The following UNC5A variants were observed in gnomAD, a reference collection of about 807,000 sequenced individuals.
UNC5A encodes unc-5 netrin receptor A, also known as netrin receptor UNC5A.
In UNC5A, 20 loss-of-function variants were observed where a neutral mutation model predicts 87.4. That is an observed-to-expected ratio of 0.23 (90% CI 0.16 to 0.33). The LOEUF (loss-of-function observed/expected upper bound fraction) is 0.33. UNC5A is among the 10% of genes least tolerant of loss of function. UNC5A has a pLI of 1.00. For synonymous variants in UNC5A, 438 were observed against 482.3 expected, an observed-to-expected ratio of 0.91 and a Z score of 1.20; for missense variants, 844 against 1,133.4, an observed-to-expected ratio of 0.74 and a Z score of 3.67.
In UNC5A at chr5:176,824,254, G is replaced by A. The variant is rs1019732665; in HGVS notation, c.70+13434G>A. ...TGGGGCTGAGGCGGGTGAGGCCAGC[G>A]CACAGGGAGATCAGGGACAAGCGGA... is the stretch of plus-strand genomic sequence containing the variant. On this transcript the variant is annotated intron_variant, in intron 1 of 14. Coordinates refer to ENST00000329542, the MANE Select transcript of UNC5A (RefSeq NM_133369.3). This position sits in a 1 kb window ranked among gnomAD's most constrained non-coding sequence, Gnocchi z 4.2. 5.3e-5 allele frequency among the ~76,000 whole-genome samples: 8 copies of A among 152,210 alleles called. No homozygotes were observed. Among genetic ancestry groups the A allele is most frequent in the East Asian group, 3.9e-4 (2 of 5,190 alleles).
rs1758404035 is a variant in UNC5A, at chr5:176,880,849, G to A, written c.*963G>A. The A allele has an allele frequency of 2.2e-6, 1 of 460,536 alleles. No homozygotes were observed. 28.5% of individuals were successfully genotyped at this position (460,536 alleles called of 1,614,324 possible). ...CCTTGCCCGGCCGCCGGGGCACATA[G>A]GGGTTTTATCGGGCGTGAATGTAAA... On this transcript the variant is annotated 3_prime_UTR_variant, in exon 15 of 15. Coordinates refer to ENST00000329542, the MANE Select transcript of UNC5A (RefSeq NM_133369.3).
Position 176,810,723 on chromosome 5 carries a change from C to T in UNC5A, c.-28C>T, listed in dbSNP as rs999195049. 2.7e-5 allele frequency: 28 copies of T among 1,044,402 alleles called. No homozygotes were observed. In the African/African-American group the frequency reaches 3.9e-4, roughly 15 times the overall value. 64.7% of individuals were successfully genotyped at this position (1,044,402 alleles called of 1,614,324 possible). ...CCTCCCGCCCGCGGGGCCCCGCGCC[C>T]GGCCCGCCCGCCTGCCCGCCCGCGG... On this transcript the variant is annotated 5_prime_UTR_variant, in exon 1 of 15. Coordinates refer to ENST00000329542, the MANE Select transcript of UNC5A (RefSeq NM_133369.3). This position sits in a 1 kb window ranked among gnomAD's most constrained non-coding sequence, Gnocchi z 7.3.
intron 1 of UNC5A, among the ~76,000 whole-genome samples, chr5:176,833,838 A>G (rs1396964612): frequency 2.0e-5 from 3 of 151,066 alleles, no homozygotes; most frequent in African/African-American, 7.3e-5. Context: ...CCTCCCGAGT[A>G]GCTGGGACTA....
rs76332380 is a variant in UNC5A, at chr5:176,853,766, G to A, written c.71-8858G>A. On this transcript the variant is annotated intron_variant, in intron 1 of 14. Transcript: ENST00000329542. ...GTGCATTCACCACACACTGGGCATG[G>A]GCCCTGGGACTCTGGGCTCAGACCT... Among the ~76,000 whole-genome samples, 301 of 152,196 alleles carry A rather than the reference G, an allele frequency of 2.0e-3. 1 individual carries two copies. The highest frequency in any genetic ancestry group is 2.7e-3 in the Non-Finnish European group (186 of 68,016).
At position 176,841,993 on chromosome 5, in the gene UNC5A, C is replaced by T. The variant is rs912197618; in HGVS notation, c.71-20631C>T. Among the ~76,000 whole-genome samples the T allele has an allele frequency of 6.6e-6, 1 of 152,016 alleles. No individual in the cohort carries two copies. Among genetic ancestry groups the T allele is most frequent in the Non-Finnish European group, 1.5e-5 (1 of 68,010 alleles). Reference sequence around the variant, plus strand: ...TGGGCGGATCACGAGGTCAGGAGATCGAGACCATCCTGGCTAACATGGTGA... The same window carrying T: ...TGGGCGGATCACGAGGTCAGGAGATTGAGACCATCCTGGCTAACATGGTGA... On this transcript the variant is annotated intron_variant, in intron 1 of 14. Coordinates refer to ENST00000329542, the MANE Select transcript of UNC5A (RefSeq NM_133369.3). This position sits in a 1 kb window ranked among gnomAD's most constrained non-coding sequence, Gnocchi z 4.1.
At chr5:176,833,828 C>A (rs1208557717) in intron 1 of UNC5A, among the ~76,000 whole-genome samples, 1 of 151,982 alleles carries the variant, frequency 6.6e-6, no homozygotes, top group African/African-American at 2.4e-5. Context: ...CCTGCCTCAG[C>A]CTCCCGAGTA....
intron 1 of UNC5A, among the ~76,000 whole-genome samples, chr5:176,819,552 C>T (rs1003393530): frequency 6.6e-6 from 1 of 152,160 alleles, no homozygotes; most frequent in African/African-American, 2.4e-5. Context: ...CCCAAGGTGG[C>T]TGCCAGGAGC....
At position 176,825,166 on chromosome 5, in the gene UNC5A, G is replaced by A. The variant is rs1756822953; in HGVS notation, c.70+14346G>A. 2.0e-5 allele frequency among the ~76,000 whole-genome samples: 3 copies of A among 152,328 alleles called. No individual in the cohort carries two copies. The South Asian group carries it at 6.2e-4, about 32-fold the overall frequency. ...ATAAGGGTGGGAAGTGGAGTTGAGA[G>A]ACCCTTTCATAAGGAGCTGATCACC... On this transcript the variant is annotated intron_variant, in intron 1 of 14. Coordinates refer to ENST00000329542, the MANE Select transcript of UNC5A (RefSeq NM_133369.3).
rs1224822822 is a variant in UNC5A, at chr5:176,875,151, A to T, written c.1378+585A>T. 1.3e-5 allele frequency among the ~76,000 whole-genome samples: 2 copies of T among 151,924 alleles called. No homozygotes were observed. The highest frequency in any genetic ancestry group is 4.8e-5 in the African/African-American group (2 of 41,400). On this transcript the variant is annotated intron_variant, in intron 8 of 14. Coordinates refer to ENST00000329542, the MANE Select transcript of UNC5A (RefSeq NM_133369.3). The surrounding 1 kb of genome is among the most constrained non-coding windows in gnomAD (Gnocchi z 5.2). ...TTCCATAAATGTAGGTGTGCCTCCG[A>T]GCTCCCTCCCAGTGCCCTTCTCCCC... is the stretch of plus-strand genomic sequence containing the variant.
chr5:176,835,729 ATGTGTGTGTG>A (rs55990257), intron 1 of UNC5A, among the ~76,000 whole-genome samples: 32 of 145,398 alleles, frequency 2.2e-4, no homozygotes, highest in Non-Finnish European at 3.8e-4. Context: ...TTGATAAAGG[ATGTGTGTGTG>A]TGTGTGTGTG....
chr5:176,849,772 G>A (rs938236967), intron 1 of UNC5A, among the ~76,000 whole-genome samples: 1 of 152,170 alleles, frequency 6.6e-6, no homozygotes, highest in African/African-American at 2.4e-5. Flanking sequence ...CAGAGTGGGG[G>A]CTGGGGACTC....
intron 1 of UNC5A, among the ~76,000 whole-genome samples, chr5:176,849,780 C>A (rs1392994201): frequency 1.3e-5 from 2 of 152,164 alleles, no homozygotes; most frequent in Non-Finnish European, 2.9e-5. Context: ...GGGCTGGGGA[C>A]TCAACCTCCT....
chr5:176,827,184 T>TTC (rs1272453020), intron 1 of UNC5A, among the ~76,000 whole-genome samples: 1 of 145,442 alleles, frequency 6.9e-6, no homozygotes, highest in Non-Finnish European at 1.5e-5. Flanking sequence ...CATTCCTTTT[T>TTC]TTTTTTTTTT....
At chr5:176,855,128 G>A (rs1266138792) in intron 1 of UNC5A, among the ~76,000 whole-genome samples, 1 of 152,240 alleles carries the variant, frequency 6.6e-6, no homozygotes, top group Non-Finnish European at 1.5e-5. Flanking sequence ...TCTGATGCTG[G>A]CAGGAGGAGC....
rs992420436 is a variant in UNC5A, at chr5:176,875,813, C to T, written c.1378+1247C>T. On this transcript the variant is annotated intron_variant, in intron 8 of 14. Transcript: ENST00000329542. This position sits in a 1 kb window ranked among gnomAD's most constrained non-coding sequence, Gnocchi z 5.2. ...ACACGGTGCTGCCCTCTGCATGCAC[C>T]GACCCCCTGCCCCTCCCACCAGCTC... Among the ~76,000 whole-genome samples the T allele has an allele frequency of 5.3e-5, 8 of 152,286 alleles. No homozygotes were observed. Among genetic ancestry groups the T allele is most frequent in the African/African-American group, 1.7e-4 (7 of 41,560 alleles).
Position 176,869,815 on chromosome 5 carries a change from C to A in UNC5A, c.722-555C>A, listed in dbSNP as rs1016992257. On this transcript the variant is annotated intron_variant, in intron 5 of 14. Coordinates refer to ENST00000329542, the MANE Select transcript of UNC5A (RefSeq NM_133369.3). The surrounding 1 kb of genome is among the most constrained non-coding windows in gnomAD (Gnocchi z 9.1). The stretch of plus-strand genomic sequence containing the variant: ...GGCCACCGCCTCCCGCATCGTTCCT[C>A]ACCACGCCATCTCCGTGCCCTGGCT... The A allele has an allele frequency of 3.4e-6, 2 of 585,328 alleles. No individual in the cohort carries two copies. The highest frequency in any genetic ancestry group is 6.2e-6 in the Non-Finnish European group (2 of 324,400). 36.3% of individuals were successfully genotyped at this position (585,328 alleles called of 1,614,324 possible). A position where few individuals can be genotyped will look rare whatever the true frequency, so the allele number is the denominator to read the frequency against.
intron 1 of UNC5A, among the ~76,000 whole-genome samples, chr5:176,845,708 A>G (rs575758015): frequency 6.6e-6 from 1 of 152,234 alleles, no homozygotes; most frequent in Non-Finnish European, 1.5e-5. Flanking sequence ...GATGGACAAC[A>G]AAGAGACAAG....
intron 1 of UNC5A, among the ~76,000 whole-genome samples, chr5:176,829,155 AAGATGGATGGAT>A (rs1205706451): frequency 1.6e-5 from 2 of 123,598 alleles, no homozygotes; most frequent in African/African-American, 2.8e-5. Flanking sequence ...AAAAGAAAGA[AAGATGGATGGAT>A]GGATGGATGG....
At chr5:176,814,790 C>T (rs1756548878) in intron 1 of UNC5A, among the ~76,000 whole-genome samples, 1 of 152,222 alleles carries the variant, frequency 6.6e-6, no homozygotes, top group African/African-American at 2.4e-5. Context: ...CACTGCCAGC[C>T]AGGTGCTGTT....
Sources: gnomAD v4.1 joint callset for allele counts (sites outside exome capture counted in the v4.1 genomes callset) on GRCh38, gnomAD v4.1.1 for gene constraint, Gnocchi (gnomAD v3.1) non-coding constraint, MANE v1.5 for transcripts, NCBI Gene and HGNC (gene_info 2026-07-23, HGNC 2026-07-21) for gene names.